KLF7: variants seen among roughly 807,000 people sequenced by gnomAD.
KLF7 encodes KLF transcription factor 7, also known as Krueppel-like factor 7.
Under a neutral mutation model 27.3 loss-of-function variants are expected in KLF7, and 2 were observed. The observed-to-expected ratio is 0.07, with a 90% CI of 0.03 to 0.23. KLF7 has a LOEUF of 0.23. Ranked by LOEUF, KLF7 falls within the 10% of genes least tolerant of loss-of-function variation. The pLI is 1.00. For missense variants in KLF7, 221 were observed against 394.1 expected (o/e 0.56, Z 3.72); for synonymous variants, 165 against 162.4 (o/e 1.02, Z -0.12).
At chr2:207,160,866 T>C (rs1398408404) in intron 1 of KLF7, among the ~76,000 whole-genome samples, 5 of 152,204 alleles carry the variant, frequency 3.3e-5, no homozygotes, top group Non-Finnish European at 7.4e-5. Context: ...CATACATAAA[T>C]CATTTCAGGG....
chr2:207,103,559 GCTT>G (rs765200093), intron 2 of KLF7, among the ~76,000 whole-genome samples: 2 of 152,180 alleles, frequency 1.3e-5, no homozygotes, highest in Admixed American at 1.3e-4. Flanking sequence ...AGGAAATCTC[GCTT>G]CTTTTCTCCA....
chr2:207,147,120 T>C (rs1233026615), intron 1 of KLF7, among the ~76,000 whole-genome samples: 2 of 152,194 alleles, frequency 1.3e-5, no homozygotes, highest in Non-Finnish European at 2.9e-5. Context: ...AGGGGTGAAG[T>C]GTGGCAAATT....
At chr2:207,137,244 A>C (rs964304740) in intron 1 of KLF7, among the ~76,000 whole-genome samples, 5 of 152,192 alleles carry the variant, frequency 3.3e-5, no homozygotes, top group African/African-American at 1.2e-4. Flanking sequence ...TGAGGGTCAC[A>C]GGAATTCATT....
rs546979526 is a variant in KLF7 at position 207,083,847 on chromosome 2, C to A, written c.858-2583G>T. Among the ~76,000 whole-genome samples, 4 of 152,216 alleles carry A rather than the reference C, an allele frequency of 2.6e-5. No homozygotes were observed. In the Middle Eastern group the frequency reaches 0.01, roughly 388 times the overall value. Reference sequence around the variant, plus strand: ...AGATGTCAGCATGAGAAGGACTCAACAGCTTTAATGATGGAGGAATAGCAT... The same window carrying A: ...AGATGTCAGCATGAGAAGGACTCAAAAGCTTTAATGATGGAGGAATAGCAT... On this transcript the variant is annotated intron_variant, in intron 3 of 3. Coordinates refer to ENST00000309446, the MANE Select transcript of KLF7 (RefSeq NM_003709.4).
intron 1 of KLF7, among the ~76,000 whole-genome samples, chr2:207,163,609 T>C (rs563049462): frequency 5.9e-5 from 9 of 152,354 alleles, no homozygotes; most frequent in South Asian, 4.1e-4. Context: ...CTCTGAAAAC[T>C]TGAACCAAAA....
At chr2:207,164,504 C>A (rs888752717) in intron 1 of KLF7, among the ~76,000 whole-genome samples, 1 of 139,398 alleles carries the variant, frequency 7.2e-6, no homozygotes, top group African/African-American at 2.6e-5. Context: ...AGCTCCTAAT[C>A]GCTGCTGAAA....
At chr2:207,124,461 G>C in intron 1 of KLF7, 57 bp from the exon 2 acceptor site, 1 of 1,486,878 alleles carries the variant, frequency 6.7e-7, no homozygotes, top group Non-Finnish European at 9.0e-7. Context: ...AACACCATGA[G>C]GCCACACGTT....
At chr2:207,088,618 G>A in intron 2 of KLF7, 37 bp from the exon 3 acceptor site, 1 of 1,603,828 alleles carries the variant, frequency 6.2e-7, no homozygotes, top group Non-Finnish European at 8.5e-7. Flanking sequence ...GTCAGCAGCA[G>A]GAACAAAAGG....
upstream of KLF7, among the ~76,000 whole-genome samples, chr2:207,168,258 C>A (rs974900635): frequency 6.6e-6 from 1 of 152,114 alleles, no homozygotes; most frequent in Non-Finnish European, 1.5e-5. Context: ...TAGGACATAT[C>A]GGTTAACGTG....
At position 207,076,653 on chromosome 2, in the gene KLF7, C is replaced by T. The variant is rs1416585198; in HGVS notation, c.*4560G>A. On this transcript the variant is annotated 3_prime_UTR_variant, in exon 4 of 4. Transcript: ENST00000309446. ...CTTTCACACATTTCTGTTGTTCCAT[C>T]TCAAGTATTCCCAAAGATCCTCACT... 6.6e-6 allele frequency: 1 copy of T among 152,132 alleles called. No homozygotes were observed. The highest frequency in any genetic ancestry group is 1.5e-5 in the Non-Finnish European group (1 of 68,014). 9.4% of individuals were successfully genotyped at this position (152,132 alleles called of 1,614,324 possible).
intron 1 of KLF7, among the ~76,000 whole-genome samples, chr2:207,140,985 T>C (rs1233026207): frequency 6.6e-6 from 1 of 152,198 alleles, no homozygotes; most frequent in Non-Finnish European, 1.5e-5. Flanking sequence ...TTCTGCCTGC[T>C]CCTTCTACAT....
In KLF7 at chr2:207,123,898, T is replaced by C. The variant is rs777812610; in HGVS notation, c.609A>G (p.Gln203=). 1.2e-6 allele frequency: 2 copies of C among 1,613,934 alleles called. No homozygotes were observed. The change falls in exon 2 of 4, where the codon CAA becomes CAG. Residue 203 remains glutamine, a synonymous_variant. Transcript: ENST00000309446. ...AVKSGQSDSD[Q]GGLGAEACPE... is the part of the protein sequence containing the mutation. ...GACATGCTTCAGCCCCCAGCCCTCC[T>C]TGGTCACTGTCGCTCTGTCCACTCT...
At chr2:207,102,105 C>T (rs1574453619) in intron 2 of KLF7, among the ~76,000 whole-genome samples, 2 of 148,752 alleles carry the variant, frequency 1.3e-5, no homozygotes, top group African/African-American at 5.0e-5. Context: ...CTGAAACCAC[C>T]CGTGAAAGCT....
At chr2:207,125,256 A>T (rs1025326858) in intron 1 of KLF7, among the ~76,000 whole-genome samples, 1 of 152,240 alleles carries the variant, frequency 6.6e-6, no homozygotes, top group East Asian at 1.9e-4. Flanking sequence ...GTTTCAACAA[A>T]TCTTCATCCA....
intron 3 of KLF7, among the ~76,000 whole-genome samples, chr2:207,084,508 A>AAATACTG (rs2105857083): frequency 6.6e-6 from 1 of 152,308 alleles, no homozygotes; most frequent in South Asian, 2.1e-4. Flanking sequence ...CTACTGAATC[A>AAATACTG]AATGAGCATC....
At chr2:207,144,172 A>G (rs890141325) in intron 1 of KLF7, among the ~76,000 whole-genome samples, 3 of 151,778 alleles carry the variant, frequency 2.0e-5, no homozygotes, top group African/African-American at 7.3e-5. Context: ...GGGGGAGAAA[A>G]AAAAAAAAAA....
intron 2 of KLF7, among the ~76,000 whole-genome samples, chr2:207,119,953 C>T (rs540543753): frequency 6.6e-6 from 1 of 152,276 alleles, no homozygotes; most frequent in Non-Finnish European, 1.5e-5. Flanking sequence ...CTAGGCCTCC[C>T]AAAGTGCTAG....
chr2:207,078,868 C>T lies in KLF7; in HGVS notation c.*2345G>A, dbSNP rs1559103119. ...TGCACTCAAATGCAGCAGAGAACTA[C>T]GAGATTGTCAGCAAGCAGTGCTCCA... On this transcript the variant is annotated 3_prime_UTR_variant, in exon 4 of 4. Coordinates refer to ENST00000309446, the MANE Select transcript of KLF7 (RefSeq NM_003709.4). 1.3e-5 allele frequency: 2 copies of T among 152,120 alleles called. No homozygotes were observed. The highest frequency in any genetic ancestry group is 1.5e-5 in the Non-Finnish European group (1 of 68,020). 9.4% of individuals were successfully genotyped at this position (152,120 alleles called of 1,614,324 possible).
chr2:207,102,158 A>ACC (rs1553522229), intron 2 of KLF7, among the ~76,000 whole-genome samples: 16 of 148,820 alleles, frequency 1.1e-4, no homozygotes, highest in African/African-American at 3.5e-4. Flanking sequence ...ACACACACAC[A>ACC]CCCTGCCCTC....
Sources: gnomAD v4.1 joint callset for allele counts (sites outside exome capture counted in the v4.1 genomes callset) on GRCh38, gnomAD v4.1.1 for gene constraint, MANE v1.5 for transcripts, NCBI Gene and HGNC (gene_info 2026-07-23, HGNC 2026-07-21) for gene names.